The following ALDH1A2 variants were observed in gnomAD, a reference collection of about 807,000 sequenced individuals.
ALDH1A2 encodes the protein aldehyde dehydrogenase 1 family member A2, also known as retinal dehydrogenase 2.
ALDH1A2 carries 27 observed loss-of-function variants against 60.3 expected under a neutral mutation model. That is an observed-to-expected ratio of 0.45 (90% CI 0.33 to 0.62). The LOEUF is 0.62. ALDH1A2 is among the 20% of genes least tolerant of loss of function. The probability of loss-of-function intolerance (pLI) is 0.02; values close to 1 mark genes in which losing one functional copy is unlikely to be tolerated. For missense variants in ALDH1A2, 581 were observed against 643.8 expected (o/e 0.90, Z 1.06); for synonymous variants, 289 against 232.4 (o/e 1.24, Z -2.21).
intron 7 of ALDH1A2, among the ~76,000 whole-genome samples, chr15:57,971,332 C>T (rs1055899916): frequency 6.6e-6 from 1 of 152,220 alleles, no homozygotes; most frequent in Non-Finnish European, 1.5e-5. Context: ...GGTGTTCCTT[C>T]TCTGATCTCA....
At chr15:57,958,326 C>G (rs1185790319) in intron 12 of ALDH1A2, among the ~76,000 whole-genome samples, 550 of 152,344 alleles carry the variant, frequency 3.6e-3, no homozygotes, top group African/African-American at 0.013. Context: ...AGAATTCTTT[C>G]CATCTCCTCA....
At chr15:57,987,675 T>C (rs1397565136) in intron 7 of ALDH1A2, among the ~76,000 whole-genome samples, 1 of 151,904 alleles carries the variant, frequency 6.6e-6, no homozygotes, top group Non-Finnish European at 1.5e-5. Context: ...GGTCACGAGA[T>C]CCAGACCATC....
Position 58,014,119 on chromosome 15 carries a change from G to A in ALDH1A2, c.222+58C>T. The A allele has an allele frequency of 1.9e-6, 3 of 1,613,982 alleles. No homozygotes were observed. The South Asian group carries it at 3.3e-5, about 18-fold the overall frequency. ...GGTGTACTGAGAGCATATGTTTGCT[G>A]CTCTGCTGTTTGAAGGCAGTTATTT... On this transcript the variant is annotated intron_variant, in intron 2 of 12. Transcript: ENST00000249750.
rs1269770346 is a variant in ALDH1A2 at position 57,965,813 on chromosome 15, G to T, written c.813C>A (p.Ile271=). 1 of 1,613,928 alleles carries T rather than the reference G, an allele frequency of 6.2e-7. No individual in the cohort carries two copies. The stretch of plus-strand genomic sequence containing the variant: ...AATTACTTCTTCCAGCTGCTTCTTG[G>T]ATAAGCTTTCCAACCTGAAAGAAGG... ...FTGSTEVGKL[I]QEAAGRSNLK... The change falls in exon 8 of 13, where the codon ATC becomes ATA. Residue 271 remains isoleucine (I), a synonymous_variant. Coordinates refer to ENST00000249750, the MANE Select transcript of ALDH1A2 (RefSeq NM_003888.4).
chr15:57,960,292 A>T (rs1312828328), intron 12 of ALDH1A2, among the ~76,000 whole-genome samples: 1 of 152,204 alleles, frequency 6.6e-6, no homozygotes, highest in African/African-American at 2.4e-5. Flanking sequence ...TGCTCAAAAA[A>T]ATAGGCATTC....
chr15:57,958,214 G>GCGCACACACGCACACACACACACA (rs67551670), intron 12 of ALDH1A2, among the ~76,000 whole-genome samples: 1 of 151,700 alleles, frequency 6.6e-6, no homozygotes, highest in Non-Finnish European at 1.5e-5. Flanking sequence ...GTACACGCAC[G>GCGCACACACGCACACACACACACA]CACACACACA....
At chr15:57,975,676 T>A (rs1192424807) in intron 7 of ALDH1A2, among the ~76,000 whole-genome samples, 1 of 152,194 alleles carries the variant, frequency 6.6e-6, no homozygotes, top group African/African-American at 2.4e-5. Flanking sequence ...CGAATTGATA[T>A]GCACGACATA....
intron 7 of ALDH1A2, among the ~76,000 whole-genome samples, chr15:57,982,791 G>A (rs4646609): frequency 0.44 from 67,364 of 151,900 alleles, 15,545 homozygotes; most frequent in Non-Finnish European, 0.52. Context: ...GTTGAGGAAA[G>A]CCTAGTATTT....
chr15:58,012,958 C>T (rs1376394702), intron 3 of ALDH1A2, among the ~76,000 whole-genome samples: 3 of 152,086 alleles, frequency 2.0e-5, no homozygotes, highest in South Asian at 2.1e-4. Context: ...GCATACATTC[C>T]TAAATGCTTT....
chr15:57,971,763 G>A (rs1442952096), intron 7 of ALDH1A2, among the ~76,000 whole-genome samples: 1 of 152,016 alleles, frequency 6.6e-6, no homozygotes, highest in Admixed American at 6.6e-5. Flanking sequence ...GCCAGAATAC[G>A]AAAATTGCTT....
intron 4 of ALDH1A2, among the ~76,000 whole-genome samples, chr15:57,996,224 C>A (rs773858944): frequency 1.3e-5 from 2 of 152,050 alleles, no homozygotes; most frequent in Non-Finnish European, 2.9e-5. Context: ...ACACCTAAAT[C>A]ACATTTATCA....
At chr15:58,026,627 T>A (rs1245469415) in intron 1 of ALDH1A2, among the ~76,000 whole-genome samples, 2 of 152,178 alleles carry the variant, frequency 1.3e-5, no homozygotes, top group East Asian at 1.9e-4. Flanking sequence ...AGGGAAGCCA[T>A]GACAGATTGT....
intron 1 of ALDH1A2, among the ~76,000 whole-genome samples, chr15:58,036,186 C>T (rs1896373201): frequency 6.6e-6 from 1 of 151,464 alleles, no homozygotes; most frequent in Non-Finnish European, 1.5e-5. Context: ...AAAAAATCTA[C>T]AAAAATTGCT....
At chr15:58,016,615 G>C (rs539004390) in intron 1 of ALDH1A2, among the ~76,000 whole-genome samples, 1 of 152,166 alleles carries the variant, frequency 6.6e-6, no homozygotes, top group South Asian at 2.1e-4. Context: ...ATAAATCTAA[G>C]ATGCATTATA....
chr15:57,969,038 C>T (rs774803952), intron 7 of ALDH1A2, among the ~76,000 whole-genome samples: 2 of 152,190 alleles, frequency 1.3e-5, no homozygotes, highest in Non-Finnish European at 2.9e-5. Flanking sequence ...GATACCTTTC[C>T]CCTTCATCTT....
At chr15:58,046,277 C>T (rs571113609) in intron 1 of ALDH1A2, among the ~76,000 whole-genome samples, 11 of 152,060 alleles carry the variant, frequency 7.2e-5, no homozygotes, top group South Asian at 4.1e-4. Context: ...AAAGTGACTA[C>T]GCTGGTTTAT....
intron 1 of ALDH1A2, among the ~76,000 whole-genome samples, chr15:58,028,195 A>G (rs1358171726): frequency 1.3e-5 from 2 of 152,180 alleles, no homozygotes; most frequent in Admixed American, 6.5e-5. Flanking sequence ...GACTAACAGC[A>G]GATCCCTTGG....
chr15:57,956,076 G>A (rs1444420262), intron 12 of ALDH1A2, among the ~76,000 whole-genome samples: 1 of 152,084 alleles, frequency 6.6e-6, no homozygotes, highest in Non-Finnish European at 1.5e-5. Context: ...GGAGGACAAG[G>A]GGCTTGAATA....
intron 7 of ALDH1A2, among the ~76,000 whole-genome samples, chr15:57,971,901 A>T (rs942764306): frequency 6.6e-6 from 1 of 150,424 alleles, no homozygotes; most frequent in Admixed American, 6.6e-5. Context: ...TTTATTTTTT[A>T]TTTTTTTTTG....
Sources: gnomAD v4.1 joint callset for allele counts (sites outside exome capture counted in the v4.1 genomes callset) on GRCh38, gnomAD v4.1.1 for gene constraint, MANE v1.5 for transcripts, NCBI Gene and HGNC (gene_info 2026-07-23, HGNC 2026-07-21) for gene names.